PPP2R2B: variants seen among roughly 807,000 people sequenced by gnomAD.
PPP2R2B encodes protein phosphatase 2 regulatory subunit Bbeta.
A neutral mutation model predicts 46.0 loss-of-function variants in PPP2R2B; 5 were observed. The ratio of observed to expected loss-of-function variants is 0.11; its 90% CI spans 0.06 to 0.23. The LOEUF (loss-of-function observed/expected upper bound fraction) is 0.23, where lower values mean the gene tolerates loss of function less well. Among genes scored for constraint, PPP2R2B ranks in the 10% least tolerant of loss-of-function variants. The probability of loss-of-function intolerance (pLI) is 1.00; values close to 1 mark genes in which losing one functional copy is unlikely to be tolerated. For missense variants in PPP2R2B, 367 were observed against 575.0 expected, an observed-to-expected ratio of 0.64 and a Z score of 3.70; for synonymous variants, 215 against 206.7, an observed-to-expected ratio of 1.04 and a Z score of -0.34.
intron 1 of PPP2R2B, among the ~76,000 whole-genome samples, chr5:146,954,932 A>G (rs1190373919): frequency 6.6e-6 from 1 of 152,154 alleles, no homozygotes; most frequent in Non-Finnish European, 1.5e-5. Flanking sequence ...TGACCATCAG[A>G]ATAAAAATAG....
intron 2 of PPP2R2B, among the ~76,000 whole-genome samples, chr5:146,823,359 G>A (rs555250418): frequency 5.5e-4 from 84 of 152,034 alleles, no homozygotes; most frequent in African/African-American, 1.7e-3. Flanking sequence ...CACAAGGCCC[G>A]CCTAATTTTT....
chr5:146,715,705 C>A (rs1294160610), intron 2 of PPP2R2B, among the ~76,000 whole-genome samples: 1 of 152,140 alleles, frequency 6.6e-6, no homozygotes, highest in Non-Finnish European at 1.5e-5. Context: ...GGGATTTAAA[C>A]CCAATTGTAG....
chr5:146,831,106 T>C (rs1246802518), intron 2 of PPP2R2B, among the ~76,000 whole-genome samples: 1 of 152,136 alleles, frequency 6.6e-6, no homozygotes, highest in African/African-American at 2.4e-5. Flanking sequence ...ATCATGATAA[T>C]AAATGACTAT....
At chr5:146,838,893 T>TA (rs928275745) in intron 2 of PPP2R2B, among the ~76,000 whole-genome samples, 2 of 152,196 alleles carry the variant, frequency 1.3e-5, no homozygotes, top group African/African-American at 4.8e-5. Flanking sequence ...GAAGCAGCGT[T>TA]AGAGGTTTAG....
chr5:146,706,183 G>T (rs912528737), intron 2 of PPP2R2B, among the ~76,000 whole-genome samples: 3 of 152,150 alleles, frequency 2.0e-5, no homozygotes, highest in Non-Finnish European at 2.9e-5. Flanking sequence ...GGAGGGGCAG[G>T]CTGGGAGGGG....
intron 2 of PPP2R2B, among the ~76,000 whole-genome samples, chr5:146,855,815 C>T (rs779226404): frequency 6.6e-6 from 1 of 152,178 alleles, no homozygotes; most frequent in Non-Finnish European, 1.5e-5. Flanking sequence ...GCTAAAGCCT[C>T]ACCACACACT....
At chr5:146,931,562 G>C (rs950280500) in intron 1 of PPP2R2B, among the ~76,000 whole-genome samples, 24 of 152,096 alleles carry the variant, frequency 1.6e-4, no homozygotes, top group African/African-American at 5.8e-4. Flanking sequence ...CTTCCTTCTT[G>C]GCTTTTGAGG....
At chr5:147,015,039 C>A (rs1005336691) in intron 1 of PPP2R2B, among the ~76,000 whole-genome samples, 25 of 152,000 alleles carry the variant, frequency 1.6e-4, no homozygotes, top group African/African-American at 6.0e-4. Context: ...ATAAGGGATA[C>A]TTAACCTGTA....
chr5:146,777,116 C>T (rs1210179109), intron 2 of PPP2R2B, among the ~76,000 whole-genome samples: 1 of 152,080 alleles, frequency 6.6e-6, no homozygotes, highest in Admixed American at 6.5e-5. Context: ...AGCAATTCCA[C>T]TCCTAGGCAT....
chr5:146,655,267 G>A (rs757119125), intron 5 of PPP2R2B, among the ~76,000 whole-genome samples: 4 of 152,188 alleles, frequency 2.6e-5, no homozygotes, highest in Non-Finnish European at 5.9e-5. Flanking sequence ...AGCCCCAAAA[G>A]AGCAGCCTGA....
chr5:146,928,502 C>T (rs1763862768), intron 1 of PPP2R2B, among the ~76,000 whole-genome samples: 1 of 152,210 alleles, frequency 6.6e-6, no homozygotes, highest in South Asian at 2.1e-4. Flanking sequence ...TCTTCATTCT[C>T]TCTCATACCA....
chr5:147,040,695 G>C (rs1414179747), intron 1 of PPP2R2B: 2 of 434,322 alleles, frequency 4.6e-6, no homozygotes, highest in South Asian at 3.4e-5. Context: ...TAGGTACTCC[G>C]TGTGAGGAAG....
At chr5:147,007,546 G>A (rs1359215370) in intron 1 of PPP2R2B, among the ~76,000 whole-genome samples, 1 of 152,202 alleles carries the variant, frequency 6.6e-6, no homozygotes, top group East Asian at 1.9e-4. Context: ...GGAGCCAGCA[G>A]TGGCAAACTG....
chr5:147,051,749 CT>C, intron 1 of PPP2R2B, among the ~76,000 whole-genome samples: 1 of 132,506 alleles, frequency 7.5e-6, no homozygotes, highest in Admixed American at 7.7e-5. Context: ...TTCTGTTTTG[CT>C]TCCTTTTTTT....
intron 1 of PPP2R2B, among the ~76,000 whole-genome samples, chr5:146,998,931 G>A (rs1007604920): frequency 3.3e-5 from 5 of 150,416 alleles, no homozygotes; most frequent in East Asian, 2.0e-4. Flanking sequence ...GTGTCAGAGC[G>A]GGAACCCGGG....
At chr5:146,732,002 T>A (rs1448114314) in intron 2 of PPP2R2B, among the ~76,000 whole-genome samples, 1 of 152,188 alleles carries the variant, frequency 6.6e-6, no homozygotes, top group Non-Finnish European at 1.5e-5. Flanking sequence ...GTCCAGGAAC[T>A]TTTTCCCGTT....
At chr5:146,769,927 A>G (rs1448373897) in intron 2 of PPP2R2B, among the ~76,000 whole-genome samples, 1 of 152,198 alleles carries the variant, frequency 6.6e-6, no homozygotes, top group Admixed American at 6.5e-5. Context: ...AGTTCTAAAA[A>G]TTAATTCTAA....
chr5:146,903,643 C>T (rs1050963646), intron 1 of PPP2R2B, among the ~76,000 whole-genome samples: 2 of 152,062 alleles, frequency 1.3e-5, no homozygotes, highest in Non-Finnish European at 2.9e-5. Context: ...AGTAATCTGC[C>T]ACCCTTGGCT....
chr5:146,854,705 A>G (rs902175906), intron 2 of PPP2R2B, among the ~76,000 whole-genome samples: 1 of 152,174 alleles, frequency 6.6e-6, no homozygotes, highest in Admixed American at 6.6e-5. Flanking sequence ...CTCACCTTGT[A>G]CCTCACACTG....
Sources: allele counts gnomAD v4.1 joint callset (sites outside exome capture counted in the v4.1 genomes callset), GRCh38; gene constraint gnomAD v4.1.1; transcripts MANE v1.5; gene names NCBI Gene and HGNC (gene_info 2026-07-23, HGNC 2026-07-21).